Variants in PIK3R4 observed in about 807,000 individuals in gnomAD.
PIK3R4 encodes phosphoinositide-3-kinase regulatory subunit 4.
Under a neutral mutation model 136.5 loss-of-function variants are expected in PIK3R4, and 46 were observed. The observed-to-expected ratio is 0.34, with a 90% CI of 0.27 to 0.43. The LOEUF (loss-of-function observed/expected upper bound fraction) is 0.43. Ranked by LOEUF, PIK3R4 falls within the 20% of genes least tolerant of loss-of-function variation. The pLI, the probability that PIK3R4 is intolerant of heterozygous loss-of-function variation, is 1.00. For synonymous variants in PIK3R4, 557 were observed against 566.7 expected (o/e 0.98, Z 0.24); for missense variants, 1,331 against 1,649.5 (o/e 0.81, Z 3.35).
chr3:130,732,196 A>G (rs2066763250), intron 4 of PIK3R4, among the ~76,000 whole-genome samples: 1 of 152,212 alleles, frequency 6.6e-6, no homozygotes, highest in African/African-American at 2.4e-5. Context: ...TATGAAGGTA[A>G]TATAACATCT....
chr3:130,703,593 AG>A, intron 13 of PIK3R4, 129 bp downstream of exon 13: 1 of 668,632 alleles, frequency 1.5e-6, no homozygotes, highest in Non-Finnish European at 2.6e-6. Flanking sequence ...ACTCCACAGA[AG>A]AAGGATTTTT....
intron 9 of PIK3R4, among the ~76,000 whole-genome samples, chr3:130,714,886 T>TAAAAAAA (rs1326146455): frequency 6.6e-6 from 1 of 152,196 alleles, no homozygotes; most frequent in African/African-American, 2.4e-5. Flanking sequence ...TTTGCTATTG[T>TAAAAAAA]AAATAGTGCT....
At chr3:130,684,113 C>T in intron 16 of PIK3R4, 137 bp downstream of exon 16, 1 of 704,432 alleles carries the variant, frequency 1.4e-6, no homozygotes. Context: ...TCAATAGTGG[C>T]AACCTCCATA....
chr3:130,702,236 CA>C, intron 13 of PIK3R4, among the ~76,000 whole-genome samples: 1 of 152,040 alleles, frequency 6.6e-6, no homozygotes, highest in Non-Finnish European at 1.5e-5. Flanking sequence ...AAAATCATTA[CA>C]AATCTAGGTG....
chr3:130,684,132 ACAAT>A (rs1397430503), intron 16 of PIK3R4, 114 bp downstream of exon 16: 25 of 860,052 alleles, frequency 2.9e-5, no homozygotes, highest in South Asian at 2.6e-4. Flanking sequence ...TAATCAGAAG[ACAAT>A]CAAGCATTCA....
intron 1 of PIK3R4, among the ~76,000 whole-genome samples, chr3:130,745,852 G>T (rs928130343): frequency 6.6e-6 from 1 of 151,990 alleles, no homozygotes; most frequent in African/African-American, 2.4e-5. Flanking sequence ...TTAAAATCCC[G>T]TCTCTACTAA....
intron 16 of PIK3R4, among the ~76,000 whole-genome samples, chr3:130,682,146 G>A (rs12494439): frequency 0.2 from 31,169 of 152,048 alleles, 3,478 homozygotes; most frequent in South Asian, 0.36. Flanking sequence ...ACCTTATGTG[G>A]CAAAGTGACT....
rs544521949 is a variant in PIK3R4, at chr3:130,716,381, G to A, written c.2331+15C>T. 52 of 1,601,256 alleles carry A rather than the reference G, an allele frequency of 3.2e-5. No individual in the cohort carries two copies. The East Asian group carries it at 1.1e-3, about 34-fold the overall frequency. On this transcript the variant is annotated intron_variant, in intron 9 of 19. Transcript: ENST00000356763. ...ATTCGCATTTAAATGTAAGACTTTG[G>A]AAGGGTGATACAACCTGTGAGAGCA...
intron 2 of PIK3R4, among the ~76,000 whole-genome samples, chr3:130,740,930 GTT>G (rs1167189437): frequency 4.6e-5 from 7 of 151,948 alleles, no homozygotes; most frequent in African/African-American, 1.7e-4. Context: ...GTGTTCCTTT[GTT>G]CTATTTTTAT....
rs373321373 is a variant in PIK3R4 at position 130,733,965 on chromosome 3, C to A, written c.1033G>T (p.Val345Phe). Reference protein sequence around the residue: ...TFLSADERILVIRKDLGNIIH... With the variant: ...TFLSADERILFIRKDLGNIIH... Reference sequence around the variant, plus strand: ...ATGTTGCCCAAATCCTTCCGTATAACCAGAATACGCTCATCTGCAGAAAGA... The same window carrying A: ...ATGTTGCCCAAATCCTTCCGTATAAACAGAATACGCTCATCTGCAGAAAGA... Residue 345 changes from valine to phenylalanine, a missense_variant, in exon 4 of 20, where the codon GTT (valine) becomes TTT (phenylalanine). By Grantham distance (50) the Val-to-Phe change is conservative (BLOSUM62 -1). Coordinates refer to ENST00000356763, the MANE Select transcript of PIK3R4 (RefSeq NM_014602.3). 2 of 1,614,094 alleles carry A rather than the reference C, an allele frequency of 1.2e-6. No individual in the cohort carries two copies. The highest frequency in any genetic ancestry group is 4.5e-5 in the East Asian group (2 of 44,880).
At chr3:130,713,964 G>C (rs766746095) in intron 9 of PIK3R4, among the ~76,000 whole-genome samples, 1 of 152,126 alleles carries the variant, frequency 6.6e-6, no homozygotes, top group African/African-American at 2.4e-5. Flanking sequence ...GAGCCACCGC[G>C]CCGGGCCTGG....
At chr3:130,710,188 T>C (rs142486881) in intron 9 of PIK3R4, among the ~76,000 whole-genome samples, 40 of 152,010 alleles carry the variant, frequency 2.6e-4, no homozygotes, top group African/African-American at 9.2e-4. Flanking sequence ...AAAAACATTT[T>C]ATATATTTAT....
chr3:130,701,509 CAAAA>C (rs539905190), intron 13 of PIK3R4, among the ~76,000 whole-genome samples: 10 of 97,012 alleles, frequency 1.0e-4, no homozygotes, highest in South Asian at 3.2e-4. Flanking sequence ...GAGACTGTCT[CAAAA>C]AAAAAAAAAG....
chr3:130,739,370 T>C (rs61383209), intron 2 of PIK3R4, among the ~76,000 whole-genome samples: 54,183 of 151,578 alleles, frequency 0.36, 12,673 homozygotes, highest in African/African-American at 0.66. Context: ...GCGACCGCGC[T>C]GGCCTTTTGT....
intron 19 of PIK3R4, among the ~76,000 whole-genome samples, chr3:130,680,078 AAAAG>A (rs2066448111): frequency 6.6e-6 from 1 of 151,860 alleles, no homozygotes; most frequent in Admixed American, 6.6e-5. Flanking sequence ...AAAAAAAAAA[AAAAG>A]AGGTATAAAT....
intron 13 of PIK3R4, among the ~76,000 whole-genome samples, chr3:130,701,287 G>T (rs940275808): frequency 6.6e-6 from 1 of 152,060 alleles, no homozygotes; most frequent in Non-Finnish European, 1.5e-5. Flanking sequence ...TGAGGCGGGC[G>T]GATCACTTGA....
At chr3:130,724,846 G>A (rs1488752800) in intron 6 of PIK3R4, among the ~76,000 whole-genome samples, 2 of 151,908 alleles carry the variant, frequency 1.3e-5, no homozygotes, top group Non-Finnish European at 2.9e-5. Flanking sequence ...AAGAGATAAA[G>A]TCCAAAGTTG....
At chr3:130,689,918 T>G (rs1182474340) in intron 14 of PIK3R4, among the ~76,000 whole-genome samples, 1 of 152,232 alleles carries the variant, frequency 6.6e-6, no homozygotes, top group African/African-American at 2.4e-5. Context: ...TATCTTACCT[T>G]GTATGCATTT....
chr3:130,746,408 G>A lies in PIK3R4; in HGVS notation c.-137C>T, dbSNP rs981479688. On this transcript the variant is annotated 5_prime_UTR_variant, in exon 1 of 20. Coordinates refer to ENST00000356763, the MANE Select transcript of PIK3R4 (RefSeq NM_014602.3). ...GGGGACGGGACGGGAAAACGCGTCA[G>A]CAGCGGGGAAGTTGTTTCTACGAAG... 6.6e-6 allele frequency: 1 copy of A among 152,302 alleles called. No homozygotes were observed. Among genetic ancestry groups the A allele is most frequent in the African/African-American group, 2.4e-5 (1 of 41,458 alleles). The allele number at this position is 152,302 out of a possible 1,614,324, so 9.4% of individuals were successfully genotyped here.
Sources: gnomAD v4.1 joint callset for allele counts (sites outside exome capture counted in the v4.1 genomes callset) on GRCh38, gnomAD v4.1.1 for gene constraint, MANE v1.5 for transcripts, NCBI Gene and HGNC (gene_info 2026-07-23, HGNC 2026-07-21) for gene names.